Variants in ST8SIA5 observed in about 807,000 individuals in gnomAD.
ST8SIA5 encodes alpha-2,8-sialyltransferase 8E.
A neutral mutation model predicts 40.2 loss-of-function variants in ST8SIA5; 24 were observed. The ratio of observed to expected loss-of-function variants is 0.60; its 90% CI spans 0.43 to 0.84. ST8SIA5 has a LOEUF of 0.84. Ranked by LOEUF, ST8SIA5 falls within the 40% of genes least tolerant of loss-of-function variation. The pLI is 0.00. For missense variants in ST8SIA5, 465 were observed against 498.5 expected (o/e 0.93, Z 0.64); for synonymous variants, 198 against 201.8 (o/e 0.98, Z 0.16).
intron 3 of ST8SIA5, among the ~76,000 whole-genome samples, chr18:46,690,037 C>A (rs1278601181): frequency 6.6e-6 from 1 of 152,152 alleles, no homozygotes; most frequent in East Asian, 1.9e-4. Flanking sequence ...AGAGGCCTGG[C>A]AAGGCAGGGC....
At chr18:46,721,821 C>A (rs1023645096) in intron 1 of ST8SIA5, among the ~76,000 whole-genome samples, 1 of 152,310 alleles carries the variant, frequency 6.6e-6, no homozygotes, top group Admixed American at 6.5e-5. Context: ...ACCAAAAGAG[C>A]GCCAGCACCA....
chr18:46,718,679 C>T (rs2039819412), intron 1 of ST8SIA5, among the ~76,000 whole-genome samples: 1 of 152,026 alleles, frequency 6.6e-6, no homozygotes, highest in East Asian at 1.9e-4. Context: ...CCTCTTCATC[C>T]TCTGGTTATA....
chr18:46,686,539 C>A (rs1420712987), intron 4 of ST8SIA5, among the ~76,000 whole-genome samples: 1 of 152,198 alleles, frequency 6.6e-6, no homozygotes, highest in Non-Finnish European at 1.5e-5. Flanking sequence ...TTCCTCCTGG[C>A]ACACAGCGGC....
intron 6 of ST8SIA5, among the ~76,000 whole-genome samples, chr18:46,681,050 C>T (rs2039390154): frequency 6.6e-6 from 1 of 152,212 alleles, no homozygotes; most frequent in Non-Finnish European, 1.5e-5. Flanking sequence ...TAGCTCTGTG[C>T]AGCCTTGAAA....
chr18:46,726,942 A>C (rs1031685053), intron 1 of ST8SIA5, among the ~76,000 whole-genome samples: 2 of 152,166 alleles, frequency 1.3e-5, no homozygotes, highest in Admixed American at 6.5e-5. Context: ...ACAACAACAA[A>C]AAACAAGTGC....
chr18:46,727,260 G>T (rs960640722), intron 1 of ST8SIA5, among the ~76,000 whole-genome samples: 1 of 152,200 alleles, frequency 6.6e-6, no homozygotes, highest in Non-Finnish European at 1.5e-5. Flanking sequence ...TATAAAATCT[G>T]GGATATGTTT....
rs551824986 is a variant in ST8SIA5, at chr18:46,717,041, G to A, written c.132-12377C>T. Among the ~76,000 whole-genome samples, 9 of 152,342 alleles carry A rather than the reference G, an allele frequency of 5.9e-5. No homozygotes were observed. In the South Asian group the frequency reaches 1.9e-3, roughly 32 times the overall value. ...GGGACTCCTGCCTCAGCTGTCCTCT[G>A]TCCCTGTGACTGAAGTGGGGGATGT... On this transcript the variant is annotated intron_variant, in intron 1 of 6. Coordinates refer to ENST00000315087, the MANE Select transcript of ST8SIA5 (RefSeq NM_013305.6).
rs2039336781 is a variant in ST8SIA5 at position 46,675,946 on chromosome 18, AC to A, written c.*4095del. 6.6e-6 allele frequency: 1 copy of A among 152,060 alleles called. No individual in the cohort carries two copies. Among genetic ancestry groups the A allele is most frequent in the Admixed American group, 6.6e-5 (1 of 15,266 alleles). 9.4% of individuals were successfully genotyped at this position (152,060 alleles called of 1,614,324 possible). A position where few individuals can be genotyped will look rare whatever the true frequency, so the allele number is the denominator to read the frequency against. ...ATGGCACGTGCCTGTGGTCCTAGCTACTTGGGAAGCTGAGGTGGGAGGATCA... is the reference window on the plus strand; with the variant it reads ...ATGGCACGTGCCTGTGGTCCTAGCTATTGGGAAGCTGAGGTGGGAGGATCA... On this transcript the variant is annotated 3_prime_UTR_variant, in exon 7 of 7. Coordinates refer to ENST00000315087, the MANE Select transcript of ST8SIA5 (RefSeq NM_013305.6).
rs2039638154 is a variant in ST8SIA5 at position 46,703,432 on chromosome 18, A to G, written c.224+1140T>C. Among the ~76,000 whole-genome samples, 2 of 152,176 alleles carry G rather than the reference A, an allele frequency of 1.3e-5. 1 individual carries two copies. Among genetic ancestry groups the G allele is most frequent in the Non-Finnish European group, 2.9e-5 (2 of 68,036 alleles). On this transcript the variant is annotated intron_variant, in intron 2 of 6. Coordinates refer to ENST00000315087, the MANE Select transcript of ST8SIA5 (RefSeq NM_013305.6). ...ACATGCCTTATTTCGGCTAGTCTAC[A>G]GCAACCCTTAAAGGGTAGGTAATAG...
intron 1 of ST8SIA5, among the ~76,000 whole-genome samples, chr18:46,735,358 T>C (rs755097011): frequency 2.6e-5 from 4 of 152,216 alleles, no homozygotes; most frequent in Non-Finnish European, 5.9e-5. Context: ...TCCTATTAGT[T>C]CTGTGCCTCT....
At chr18:46,707,150 T>C (rs1568261472) in intron 1 of ST8SIA5, among the ~76,000 whole-genome samples, 1 of 152,204 alleles carries the variant, frequency 6.6e-6, no homozygotes, top group African/African-American at 2.4e-5. Flanking sequence ...CAAAGATCAC[T>C]GTTTGTAACA....
Position 46,692,155 on chromosome 18 carries a change from C to T in ST8SIA5, c.311+14G>A, listed in dbSNP as rs750776864. The T allele has an allele frequency of 1.5e-5, 25 of 1,613,598 alleles. No homozygotes were observed. The Admixed American group carries it at 1.8e-4, about 12-fold the overall frequency. ...TCATACAAGGAGAAGGGAGGACAGA[C>T]GAATCATAGATACTTGAACTGGTTG... is the stretch of plus-strand genomic sequence containing the variant. On this transcript the variant is annotated intron_variant, in intron 3 of 6. Coordinates refer to ENST00000315087, the MANE Select transcript of ST8SIA5 (RefSeq NM_013305.6).
chr18:46,734,427 C>T (rs1379736513), intron 1 of ST8SIA5, among the ~76,000 whole-genome samples: 2 of 151,126 alleles, frequency 1.3e-5, no homozygotes, highest in Non-Finnish European at 1.5e-5. Context: ...TCCACCCTGG[C>T]AGTACACCTG....
intron 1 of ST8SIA5, among the ~76,000 whole-genome samples, chr18:46,710,054 G>A (rs1241181572): frequency 6.6e-6 from 1 of 152,156 alleles, no homozygotes; most frequent in African/African-American, 2.4e-5. Flanking sequence ...CCACATCAAA[G>A]GGGAGGGCAC....
At position 46,673,016 on chromosome 18, in the gene ST8SIA5, A is replaced by G. The variant is rs2039318179; in HGVS notation, c.*7026T>C. On this transcript the variant is annotated 3_prime_UTR_variant, in exon 7 of 7. Transcript: ENST00000315087. ...GATTCTACTTATATGAGGGACCTAG[A>G]GCAGTAAAATTCATAGAGAAAGAAA... 6.6e-6 allele frequency: 1 copy of G among 152,256 alleles called. No homozygotes were observed. The highest frequency in any genetic ancestry group is 1.5e-5 in the Non-Finnish European group (1 of 68,060). 9.4% of individuals were successfully genotyped at this position (152,256 alleles called of 1,614,324 possible).
intron 1 of ST8SIA5, among the ~76,000 whole-genome samples, chr18:46,712,232 G>A (rs1017983715): frequency 1.3e-5 from 2 of 152,182 alleles, no homozygotes; most frequent in Non-Finnish European, 2.9e-5. Flanking sequence ...GAATGCCTCA[G>A]TGTGTGAATG....
At chr18:46,755,090 C>T (rs1220865492) in intron 1 of ST8SIA5, among the ~76,000 whole-genome samples, 2 of 152,250 alleles carry the variant, frequency 1.3e-5, no homozygotes, top group Admixed American at 1.3e-4. Context: ...AGGTCCGGAG[C>T]AGCAACTGGC....
intron 1 of ST8SIA5, among the ~76,000 whole-genome samples, chr18:46,729,387 G>A (rs1330604088): frequency 6.8e-6 from 1 of 148,140 alleles, no homozygotes; most frequent in Non-Finnish European, 1.5e-5. Context: ...CCAGGGGTGG[G>A]TGCCTTGAAC....
At chr18:46,723,327 G>A (rs1357916106) in intron 1 of ST8SIA5, 1 of 152,192 alleles carries the variant, frequency 6.6e-6, no homozygotes, top group African/African-American at 2.4e-5. Context: ...CGAGGTGAGT[G>A]GATCACCTGA....
Sources: allele counts gnomAD v4.1 joint callset (sites outside exome capture counted in the v4.1 genomes callset), GRCh38; gene constraint gnomAD v4.1.1; transcripts MANE v1.5; gene names NCBI Gene and HGNC (gene_info 2026-07-23, HGNC 2026-07-21).